TTN: variants seen among roughly 807,000 people sequenced by gnomAD.
TTN encodes the protein connectin.
In TTN, 1,525 loss-of-function variants were observed where a neutral mutation model predicts 3,223.0. The observed-to-expected ratio is 0.47, with a 90% CI of 0.45 to 0.49. The LOEUF (loss-of-function observed/expected upper bound fraction) is 0.49, where lower values mean the gene tolerates loss of function less well. Among genes scored for constraint, TTN ranks in the 20% least tolerant of loss-of-function variants. TTN has a pLI of 0.00. For missense variants in TTN, 40,786 were observed against 43,424.0 expected (o/e 0.94, Z 5.40); for synonymous variants, 14,094 against 15,161.0 (o/e 0.93, Z 5.17).
At position 178,564,139 on chromosome 2, in the gene TTN, T is replaced by G; in HGVS notation, c.81993A>C (p.Lys27331Asn). The change falls in exon 326 of 363, where the codon AAA becomes AAC. Residue 27331 changes from lysine to asparagine, a missense_variant. Transcript: ENST00000589042. ...ARMEIKSTIQ[K>N]TTLVVKDCIR... ...TACAGTCTTTGACAACAAGAGTTGT[T>G]TTCTGAATAGTAGATTTAATTTCCA... 6.2e-7 allele frequency: 1 copy of G among 1,613,780 alleles called. No individual in the cohort carries two copies. Among genetic ancestry groups the G allele is most frequent in the South Asian group, 1.1e-5 (1 of 91,090 alleles).
Position 178,559,631 on chromosome 2 carries a change from G to A in TTN, c.86501C>T (p.Ala28834Val), listed in dbSNP as rs750913615. 3 of 1,613,788 alleles carry A rather than the reference G, an allele frequency of 1.9e-6. No homozygotes were observed. Among genetic ancestry groups the A allele is most frequent in the East Asian group, 4.5e-5 (2 of 44,862 alleles). ...AACTTTGACAACTAAGGTCAGTGAA[G>A]CAGCACTCAAAACATTCTGAATTGT... is the stretch of plus-strand genomic sequence containing the variant. ...TLTIQNVLSA[A>V]SLTLVVKVLD... The change falls in exon 326 of 363, where the codon GCT (alanine) becomes GTT (valine). Residue 28834 changes from alanine (A) to valine (V), a missense_variant. Physicochemically the swap from Ala to Val is moderately conservative, Grantham distance 64. Coordinates refer to ENST00000589042, the MANE Select transcript of TTN (RefSeq NM_001267550.2).
rs1334553443 is a variant in TTN at position 178,769,767 on chromosome 2, C to A, written c.8814G>T (p.Leu2938=). 6.2e-7 allele frequency: 1 copy of A among 1,613,852 alleles called. No individual in the cohort carries two copies. Among genetic ancestry groups the A allele is most frequent in the Non-Finnish European group, 8.5e-7 (1 of 1,179,984 alleles). The change falls in exon 37 of 363, where the codon CTG becomes CTT. Residue 2938 remains leucine (L), a synonymous_variant. Coordinates refer to ENST00000589042, the MANE Select transcript of TTN (RefSeq NM_001267550.2). ...KIVVQGKLHQ[L]IIMNTSTEDS... ...CCTCTGTGCTGGTGTTCATGATGATCAGCTGATGGAGTTTTCCCTGCACAA... is the reference window on the plus strand; with the variant it reads ...CCTCTGTGCTGGTGTTCATGATGATAAGCTGATGGAGTTTTCCCTGCACAA...
Position 178,790,793 on chromosome 2 carries a change from G to T in TTN, c.1715C>A (p.Ala572Glu). 1 of 1,614,116 alleles carries T rather than the reference G, an allele frequency of 6.2e-7. No homozygotes were observed. The highest frequency in any genetic ancestry group is 8.5e-7 in the Non-Finnish European group (1 of 1,179,998). Reference protein sequence around the residue: ...TAASMVVVATAKSTKLETVPG... With the variant: ...TAASMVVVATEKSTKLETVPG... ...GACTGTTTCTAGTTTTGTGGACTTT[G>T]CAGTGGCAACTACCACCATGGATGC... The change falls in exon 11 of 363, where the codon GCA (alanine) becomes GAA (glutamate). Residue 572 changes from alanine to glutamate, a missense_variant. Physicochemically the swap from Ala to Glu is moderately radical, Grantham distance 107 (BLOSUM62 -1). Coordinates refer to ENST00000589042, the MANE Select transcript of TTN (RefSeq NM_001267550.2).
rs370227467 is a variant in TTN at position 178,592,470 on chromosome 2, A to C, written c.59535T>G (p.Arg19845=). 1 of 1,613,426 alleles carries C rather than the reference A, an allele frequency of 6.2e-7. No individual in the cohort carries two copies. The highest frequency in any genetic ancestry group is 8.5e-7 in the Non-Finnish European group (1 of 1,179,628). Residue 19845 remains arginine, a synonymous_variant, in exon 301 of 363, where the codon CGT becomes CGG. Coordinates refer to ENST00000589042, the MANE Select transcript of TTN (RefSeq NM_001267550.2). The part of the protein sequence containing the change: ...VTPVGSKLEI[R]NAAHEDGGIY... ...TTCCACCATCTTCATGGGCAGCATTACGAATTTCAAGCTTGCTACCAACTG... is the reference window on the plus strand; with the variant it reads ...TTCCACCATCTTCATGGGCAGCATTCCGAATTTCAAGCTTGCTACCAACTG...
At chr2:178,615,263 G>A (rs1224659238) in intron 259 of TTN, 44 bp downstream of exon 259, 2 of 1,601,318 alleles carry the variant, frequency 1.2e-6, no homozygotes, top group Non-Finnish European at 1.7e-6. Context: ...CCATTTTAGT[G>A]ACTAGGAGTA....
In TTN at chr2:178,612,858, G is replaced by T. The variant is rs1553699440; in HGVS notation, c.49863C>A (p.Tyr16621Ter). 6.2e-7 allele frequency: 1 copy of T among 1,612,556 alleles called. No individual in the cohort carries two copies. The highest frequency in any genetic ancestry group is 8.5e-7 in the Non-Finnish European group (1 of 1,179,224). ...LLPGLMEGQE[Y>*]SFRVRAVNKA... ...TATTCACAGCTCTAACTCGGAATGA[G>T]TATTCCTGTCCTTCCATGAGCCCTG... The change falls in exon 265 of 363, where the codon TAC becomes TAA. Residue 16621 changes from tyrosine to a stop codon, truncating the protein, a stop_gained. Transcript: ENST00000589042. LOFTEE classifies it high-confidence loss of function.
In TTN at chr2:178,556,866, T is replaced by G; in HGVS notation, c.88288A>C (p.Thr29430Pro). 2 of 1,613,660 alleles carry G rather than the reference T, an allele frequency of 1.2e-6. No individual in the cohort carries two copies. Among genetic ancestry groups the G allele is most frequent in the Non-Finnish European group, 1.7e-6 (2 of 1,179,818 alleles). ...TGCTTACCATAAGAATCGATGCAAG[T>G]AATGGGCCCTACAACCTCAGATGGA... ...SNPSEVVGPI[T>P]CIDSYGGPVI... is the part of the protein sequence containing the mutation. Residue 29430 changes from threonine to proline, a missense_variant, in exon 330 of 363, where the codon ACT becomes CCT. Transcript: ENST00000589042.
chr2:178,685,645 T>C (rs377141992), intron 127 of TTN, 47 bp from the exon 128 acceptor site: 76 of 1,573,196 alleles, frequency 4.8e-5, no homozygotes, highest in Middle Eastern at 1.7e-4. Context: ...GTGTTTTTCA[T>C]GTTTATTTTT....
chr2:178,687,723 G>A (rs913598034), intron 127 of TTN, among the ~76,000 whole-genome samples: 1 of 152,146 alleles, frequency 6.6e-6, no homozygotes, highest in Non-Finnish European at 1.5e-5. Flanking sequence ...TGTGGTACAA[G>A]CAATGTTTGA....
chr2:178,607,597 A>C lies in TTN; in HGVS notation c.53091T>G (p.Thr17697=). 1 of 1,613,204 alleles carries C rather than the reference A, an allele frequency of 6.2e-7. No individual in the cohort carries two copies. The highest frequency in any genetic ancestry group is 8.5e-7 in the Non-Finnish European group (1 of 1,179,390). Residue 17697 remains threonine (T), a synonymous_variant, in exon 277 of 363, where the codon ACT becomes ACG. Transcript: ENST00000589042. ...ATACTTTTGTAGGTACAGGGCGACC[A>C]GTCACCACAGCTGGAATTCTAAGAG... The part of the protein sequence containing the change: ...GKTLRIPAVV[T]GRPVPTKVWT...
chr2:178,545,311 A>C, intron 344 of TTN, 77 bp downstream of exon 344: 60 of 1,356,450 alleles, frequency 4.4e-5, no homozygotes, highest in Non-Finnish European at 5.4e-5. Context: ...AAAAATTCTT[A>C]GAGATTGTGT....
chr2:178,631,492 C>G (rs1289516123), intron 236 of TTN, among the ~76,000 whole-genome samples, 192 bp from the exon 237 acceptor site: 1 of 152,024 alleles, frequency 6.6e-6, no homozygotes, highest in African/African-American at 2.4e-5. Context: ...TGGGATTTAT[C>G]AAGATCTAAT....
chr2:178,713,812 A>T lies in TTN; in HGVS notation c.26761+85T>A, dbSNP rs998742738. On this transcript the variant is annotated intron_variant, in intron 92 of 362. Coordinates refer to ENST00000589042, the MANE Select transcript of TTN (RefSeq NM_001267550.2). ...ATGTCGGACTCATGTTATCCTATAG[A>T]AGATGTAACAACCCATATACATTTA... 1.1e-5 allele frequency: 17 copies of T among 1,489,134 alleles called. No individual in the cohort carries two copies. In the Admixed American group the frequency reaches 2.6e-4, roughly 23 times the overall value. 92.2% of individuals were successfully genotyped at this position (1,489,134 alleles called of 1,614,324 possible).
intron 45 of TTN, among the ~76,000 whole-genome samples, chr2:178,757,231 T>TGTACTTACTTTA (rs1252574568): frequency 6.7e-6 from 1 of 148,872 alleles, no homozygotes; most frequent in Admixed American, 6.7e-5. Flanking sequence ...TAAGTAATAA[T>TGTACTTACTTTA]CAGCAAATAG....
chr2:178,646,628 T>A lies in TTN; in HGVS notation c.40223-69A>T. The A allele has an allele frequency of 5.8e-6, 5 of 862,748 alleles. No individual in the cohort carries two copies. The Middle Eastern group carries it at 8.0e-4, about 139-fold the overall frequency. The allele number at this position is 862,748 out of a possible 1,614,324, so 53.4% of individuals were successfully genotyped here. The stretch of plus-strand genomic sequence containing the variant: ...TTCTTCAAAAAGACTCATACAAATT[T>A]CACATTGATGCAAAGATTACAGTCA... On this transcript the variant is annotated intron_variant, in intron 215 of 362. Transcript: ENST00000589042.
intron 270 of TTN, 71 bp from the exon 271 acceptor site, chr2:178,610,460 AGT>A: frequency 6.7e-7 from 1 of 1,503,756 alleles, no homozygotes; most frequent in Non-Finnish European, 9.1e-7. Context: ...CTTGTCTCTA[AGT>A]GGGGCTATCT....
At chr2:178,627,214 C>A (rs1244271493) in intron 240 of TTN, among the ~76,000 whole-genome samples, 1 of 151,926 alleles carries the variant, frequency 6.6e-6, no homozygotes, top group South Asian at 2.1e-4. Flanking sequence ...ACTTGGCAGT[C>A]CTTTCTTAAA....
In TTN at chr2:178,799,366, C is replaced by A. The variant is rs6746886; in HGVS notation, c.914+121G>T. ...TCCCCTAGAGGTTTGAGCAGCGGGACACTGAAGAAGCGAACCACTCTCCGC... is the reference window on the plus strand; with the variant it reads ...TCCCCTAGAGGTTTGAGCAGCGGGAAACTGAAGAAGCGAACCACTCTCCGC... On this transcript the variant is annotated intron_variant, in intron 6 of 362. Transcript: ENST00000589042. The A allele has an allele frequency of 8.9e-4, 1,316 of 1,480,716 alleles. 21 individuals are homozygous for A. In the African/African-American group the frequency reaches 0.016, roughly 18 times the overall value. 91.7% of individuals were successfully genotyped at this position (1,480,716 alleles called of 1,614,324 possible).
chr2:178,614,208 C>A lies in TTN; in HGVS notation c.49189G>T (p.Val16397Leu). Residue 16397 changes from valine (V) to leucine (L), a missense_variant, in exon 262 of 363, where the codon GTG becomes TTG. Val to Leu is a conservative substitution (Grantham distance 32). Coordinates refer to ENST00000589042, the MANE Select transcript of TTN (RefSeq NM_001267550.2). ...VVERRATDSE[V>L]WHKLSSTVKD... ...ACGGTGGATGAGAGCTTGTGCCACACTTCACTATCAGTTGCTCGTCTCTCC... is the reference window on the plus strand; with the variant it reads ...ACGGTGGATGAGAGCTTGTGCCACAATTCACTATCAGTTGCTCGTCTCTCC... 2 of 1,612,560 alleles carry A rather than the reference C, an allele frequency of 1.2e-6. No individual in the cohort carries two copies. The highest frequency in any genetic ancestry group is 2.2e-5 in the South Asian group (2 of 91,046).
Sources: allele counts gnomAD v4.1 joint callset (sites outside exome capture counted in the v4.1 genomes callset), GRCh38; gene constraint gnomAD v4.1.1; transcripts MANE v1.5; gene names NCBI Gene and HGNC (gene_info 2026-07-23, HGNC 2026-07-21).